Variants in EPB41L2 observed in about 807,000 individuals in gnomAD.
EPB41L2 encodes the protein band 4.1-like protein 2.
In EPB41L2, 43 loss-of-function variants were observed where a neutral mutation model predicts 113.0. The ratio of observed to expected loss-of-function variants is 0.38; its 90% CI spans 0.30 to 0.49. EPB41L2 has a LOEUF of 0.49. Ranked by LOEUF, EPB41L2 falls within the 20% of genes least tolerant of loss-of-function variation. The pLI, the probability that EPB41L2 is intolerant of heterozygous loss-of-function variation, is 0.95. For synonymous variants in EPB41L2, 442 were observed against 436.7 expected, an observed-to-expected ratio of 1.01 and a Z score of -0.15; for missense variants, 1,147 against 1,223.4, an observed-to-expected ratio of 0.94 and a Z score of 0.93.
chr6:131,039,479 C>T (rs1794007881), intron 1 of EPB41L2, among the ~76,000 whole-genome samples: 1 of 152,160 alleles, frequency 6.6e-6, no homozygotes, highest in Non-Finnish European at 1.5e-5. Flanking sequence ...TAAAAGATCA[C>T]AGACCAGAGG....
intron 3 of EPB41L2, among the ~76,000 whole-genome samples, chr6:130,938,795 A>T (rs1809791711): frequency 6.6e-6 from 1 of 152,182 alleles, no homozygotes; most frequent in Non-Finnish European, 1.5e-5. Flanking sequence ...GATCTCTTAG[A>T]AGGCAGTACA....
At chr6:130,997,687 C>T (rs554891303) in intron 1 of EPB41L2, among the ~76,000 whole-genome samples, 2 of 152,252 alleles carry the variant, frequency 1.3e-5, no homozygotes, top group Admixed American at 1.3e-4. Context: ...GTGACAAAGG[C>T]ACTTCTTTAG....
intron 1 of EPB41L2, among the ~76,000 whole-genome samples, chr6:131,057,510 A>T (rs887807697): frequency 1.3e-5 from 2 of 152,232 alleles, no homozygotes; most frequent in Non-Finnish European, 2.9e-5. Context: ...ATATGTACAT[A>T]TATCAGTAGA....
chr6:130,919,863 A>G (rs1299439612), intron 4 of EPB41L2, among the ~76,000 whole-genome samples: 1 of 152,148 alleles, frequency 6.6e-6, no homozygotes, highest in Non-Finnish European at 1.5e-5. Context: ...CAATCCACAT[A>G]CTAATTCTTG....
chr6:130,925,190 C>CTT (rs398048854), intron 4 of EPB41L2, among the ~76,000 whole-genome samples: 8,609 of 130,288 alleles, frequency 0.066, 934 homozygotes, highest in East Asian at 0.26. Flanking sequence ...GATTTCTTTT[C>CTT]TTTTTTTTTT....
chr6:131,046,633 C>G (rs570085112), intron 1 of EPB41L2, among the ~76,000 whole-genome samples: 1 of 152,144 alleles, frequency 6.6e-6, no homozygotes, highest in Non-Finnish European at 1.5e-5. Flanking sequence ...CTACTGTGAA[C>G]GACAGGCTTC....
chr6:130,891,424 TTTATTTACTTAC>T (rs1176752893), intron 10 of EPB41L2, among the ~76,000 whole-genome samples: 2,169 of 92,706 alleles, frequency 0.023, 60 homozygotes, highest in African/African-American at 0.088. Context: ...TATTTATTTA[TTTATTTACTTAC>T]TTACTTACTT....
intron 3 of EPB41L2, among the ~76,000 whole-genome samples, chr6:130,944,079 G>A (rs1159608369): frequency 2.0e-5 from 3 of 151,842 alleles, no homozygotes; most frequent in Non-Finnish European, 2.9e-5. Context: ...TCGGTCTGCT[G>A]TTTCCAAGCA....
chr6:130,870,236 G>C, intron 14 of EPB41L2, 110 bp from the exon 15 acceptor site: 1 of 1,526,818 alleles, frequency 6.5e-7, no homozygotes, highest in Non-Finnish European at 8.9e-7. Context: ...AAACAAAGAT[G>C]ATTATGATGG....
intron 1 of EPB41L2, among the ~76,000 whole-genome samples, chr6:131,030,519 A>G (rs1462643378): frequency 2.0e-5 from 3 of 152,346 alleles, no homozygotes; most frequent in African/African-American, 7.2e-5. Context: ...CCTTCTCTGT[A>G]TATTTTAGAT....
At chr6:130,885,913 C>A (rs1326790129) in intron 11 of EPB41L2, among the ~76,000 whole-genome samples, 1 of 152,118 alleles carries the variant, frequency 6.6e-6, no homozygotes, top group African/African-American at 2.4e-5. Flanking sequence ...GAAAACCTGG[C>A]CCTCATGTGC....
chr6:130,987,340 T>C (rs1223750158), intron 1 of EPB41L2, among the ~76,000 whole-genome samples: 2 of 152,284 alleles, frequency 1.3e-5, no homozygotes, highest in Non-Finnish European at 2.9e-5. Context: ...TTCCCACCAG[T>C]AGTATACGTG....
intron 1 of EPB41L2, among the ~76,000 whole-genome samples, chr6:131,050,612 C>G (rs367938960): frequency 1.3e-5 from 2 of 152,166 alleles, no homozygotes; most frequent in African/African-American, 4.8e-5. Context: ...AACCCACACT[C>G]GAAAATCCCT....
At chr6:130,904,361 A>C (rs1797119246) in intron 6 of EPB41L2, 104 bp downstream of exon 6, 4 of 684,874 alleles carry the variant, frequency 5.8e-6, no homozygotes, top group Non-Finnish European at 7.0e-6. Context: ...CTTAAGAAAA[A>C]CTGTTTTGGT....
intron 1 of EPB41L2, among the ~76,000 whole-genome samples, chr6:131,012,069 G>C (rs1584506569): frequency 6.6e-6 from 1 of 152,086 alleles, no homozygotes; most frequent in East Asian, 1.9e-4. Flanking sequence ...GCTGGGCGTG[G>C]TGGCACGCAC....
intron 1 of EPB41L2, among the ~76,000 whole-genome samples, chr6:131,043,084 A>G (rs1325368030): frequency 6.6e-6 from 1 of 152,140 alleles, no homozygotes; most frequent in Admixed American, 6.5e-5. Flanking sequence ...AGATTACTTG[A>G]GGTCAGGAGT....
At chr6:130,946,665 G>T (rs1230229603) in intron 3 of EPB41L2, among the ~76,000 whole-genome samples, 1 of 151,900 alleles carries the variant, frequency 6.6e-6, no homozygotes, top group Non-Finnish European at 1.5e-5. Flanking sequence ...ACAGATACAT[G>T]GGGATATAGA....
At chr6:130,861,479 A>T (rs1782027420) in intron 18 of EPB41L2, among the ~76,000 whole-genome samples, 1 of 152,206 alleles carries the variant, frequency 6.6e-6, no homozygotes, top group Non-Finnish European at 1.5e-5. Flanking sequence ...TCATCATTTA[A>T]TTTAAAGTAG....
rs1458984750 is a variant in EPB41L2 at position 131,053,533 on chromosome 6, C to T, written c.-15+9622G>A. On this transcript the variant is annotated intron_variant, in intron 1 of 19. Transcript: ENST00000337057. ...AGTCAGCAAAGGCAGCCCCCCTGAGCTCCACAGCCCTTCGTATTTATTGGG... is the reference window on the plus strand; with the variant it reads ...AGTCAGCAAAGGCAGCCCCCCTGAGTTCCACAGCCCTTCGTATTTATTGGG... Among the ~76,000 whole-genome samples, 4 of 151,622 alleles carry T rather than the reference C, an allele frequency of 2.6e-5. No individual in the cohort carries two copies. In the East Asian group the frequency reaches 7.8e-4, roughly 29 times the overall value.
Sources: gnomAD v4.1 joint callset for allele counts (sites outside exome capture counted in the v4.1 genomes callset) on GRCh38, gnomAD v4.1.1 for gene constraint, MANE v1.5 for transcripts, NCBI Gene and HGNC (gene_info 2026-07-23, HGNC 2026-07-21) for gene names.